Variants in ZNF454 observed in about 807,000 individuals in gnomAD.
ZNF454 encodes zinc finger protein 454.
A neutral mutation model predicts 48.2 loss-of-function variants in ZNF454; 30 were observed. The ratio of observed to expected loss-of-function variants is 0.62; its 90% CI spans 0.47 to 0.84. The LOEUF is 0.84. Ranked by LOEUF, ZNF454 falls within the 40% of genes least tolerant of loss-of-function variation. The probability of loss-of-function intolerance (pLI) is 0.00; values close to 1 mark genes in which losing one functional copy is unlikely to be tolerated. For missense variants in ZNF454, 510 were observed against 623.1 expected (o/e 0.82, Z 1.93); for synonymous variants, 204 against 211.4 (o/e 0.97, Z 0.30).
chr5:178,985,496 G>T, the ZNF454 span: 2 of 344,250 alleles, frequency 5.8e-6, no homozygotes, highest in Admixed American at 4.0e-5. Context: ...GAGGTCAGGA[G>T]ATCGAGACCA....
intron 2 of ZNF454, 122 bp downstream of exon 2, chr5:178,942,946 C>T: frequency 8.9e-7 from 1 of 1,119,550 alleles, no homozygotes; most frequent in Non-Finnish European, 1.3e-6. Flanking sequence ...CCTCAGTTGC[C>T]TCTCCCCAAC....
the ZNF454 span, chr5:178,987,016 T>C: frequency 6.2e-7 from 1 of 1,606,788 alleles, no homozygotes; most frequent in Non-Finnish European, 8.5e-7. Context: ...TCGGTGGTCC[T>C]CCAGCCCAGC....
At chr5:178,943,039 TCA>T (rs1419728706) in intron 2 of ZNF454, among the ~76,000 whole-genome samples, 1 of 152,194 alleles carries the variant, frequency 6.6e-6, no homozygotes, top group East Asian at 1.9e-4. Context: ...CACATAAATG[TCA>T]CAGCTGGGAC....
In ZNF454 at chr5:178,946,586, G is replaced by T; in HGVS notation, c.160+101G>T. ...AGAGTCGGTTGGACCAACTGAGGACGCTGTCTTCAAGGGTGCCATTAATTT... is the reference window on the plus strand; with the variant it reads ...AGAGTCGGTTGGACCAACTGAGGACTCTGTCTTCAAGGGTGCCATTAATTT... On this transcript the variant is annotated intron_variant, in intron 3 of 4. Transcript: ENST00000519564. This position sits in a 1 kb window ranked among gnomAD's most constrained non-coding sequence, Gnocchi z 4.5. 2 of 1,440,632 alleles carry T rather than the reference G, an allele frequency of 1.4e-6. No individual in the cohort carries two copies. Among genetic ancestry groups the T allele is most frequent in the Non-Finnish European group, 1.9e-6 (2 of 1,074,182 alleles). The allele number at this position is 1,440,632 out of a possible 1,614,324, so 89.2% of individuals were successfully genotyped here.
At chr5:178,942,002 G>A (rs1759110485) in intron 1 of ZNF454, among the ~76,000 whole-genome samples, 1 of 152,202 alleles carries the variant, frequency 6.6e-6, no homozygotes, top group Non-Finnish European at 1.5e-5. Context: ...GAGCGGAGCG[G>A]TCTTCCAATC....
the ZNF454 span, chr5:178,981,439 T>G: frequency 1.8e-6 from 1 of 551,910 alleles, no homozygotes. This position sits in a 1 kb window ranked among gnomAD's most constrained non-coding sequence, Gnocchi z 5.1. Context: ...GGGAAGCGAG[T>G]CTGGTCTGTG....
chr5:178,971,057 T>C (rs1760226989), downstream of ZNF454, among the ~76,000 whole-genome samples: 1 of 152,274 alleles, frequency 6.6e-6, no homozygotes, highest in Non-Finnish European at 1.5e-5. Context: ...TTTGCGTATA[T>C]TCATTCATTT....
chr5:178,946,490 G>A lies in ZNF454; in HGVS notation c.160+5G>A. 6.3e-7 allele frequency: 1 copy of A among 1,589,186 alleles called. No individual in the cohort carries two copies. Among genetic ancestry groups the A allele is most frequent in the Non-Finnish European group, 8.5e-7 (1 of 1,171,896 alleles). ...ACAGCAACCTGGTCTCACTGGGTAA[G>A]TGGGACCCCTGCAAGGTTTCTCTTC... On this transcript the variant is annotated splice_donor_5th_base_variant and intron_variant, in intron 3 of 4. Coordinates refer to ENST00000519564, the MANE Select transcript of ZNF454 (RefSeq NM_001178089.3). The surrounding 1 kb of genome is among the most constrained non-coding windows in gnomAD (Gnocchi z 4.5).
In ZNF454 at chr5:178,965,052, T is replaced by C. The variant is rs760814974; in HGVS notation, c.648T>C (p.Tyr216=). 1.2e-6 allele frequency: 2 copies of C among 1,613,998 alleles called. No homozygotes were observed. Among genetic ancestry groups the C allele is most frequent in the Middle Eastern group, 1.6e-4 (1 of 6,084 alleles). Reference sequence around the variant, plus strand: ...AAATTCATATTAAGGAGAAAAGATATGAATGTAGAGAATGTGGGAAAGCCT... The same window carrying C: ...AAATTCATATTAAGGAGAAAAGATACGAATGTAGAGAATGTGGGAAAGCCT... ...NQKIHIKEKR[Y]ECRECGKAFH... is the part of the protein sequence containing the mutation. Residue 216 remains tyrosine (Y), a synonymous_variant, in exon 5 of 5, where the codon TAT becomes TAC. Coordinates refer to ENST00000519564, the MANE Select transcript of ZNF454 (RefSeq NM_001178089.3). This position sits in a 1 kb window ranked among gnomAD's most constrained non-coding sequence, Gnocchi z 5.2.
chr5:178,955,919 T>C (rs916848140), intron 4 of ZNF454, among the ~76,000 whole-genome samples: 2 of 152,170 alleles, frequency 1.3e-5, no homozygotes, highest in African/African-American at 2.4e-5. Context: ...CCTCAATTTA[T>C]TGAGACCCCT....
the ZNF454 span, chr5:178,987,577 T>G: frequency 2.5e-6 from 1 of 399,102 alleles, no homozygotes; most frequent in Non-Finnish European, 5.1e-6. Context: ...AAATACCGTC[T>G]GATGCCACCA....
intron 4 of ZNF454, among the ~76,000 whole-genome samples, chr5:178,962,276 GT>G (rs575773962): frequency 1.4e-3 from 217 of 151,030 alleles, no homozygotes; most frequent in African/African-American, 5.0e-3. Flanking sequence ...TGTATCATTT[GT>G]TTTTTTCAAG....
chr5:178,965,492 AG>A lies in ZNF454; in HGVS notation c.1090del (p.Ala364ProfsTer4). ...CCCTTTGAATGTAATGAATGTGGGA[AG>A]GCCTTCAGGGTGAACTCTTCCCTTA... The part of the protein sequence containing the change: ...EKPFECNECG[K>X]AFRVNSSLTE... On this transcript the variant is annotated frameshift_variant, in exon 5 of 5. Coordinates refer to ENST00000519564, the MANE Select transcript of ZNF454 (RefSeq NM_001178089.3). LOFTEE classifies it high-confidence loss of function. This position sits in a 1 kb window ranked among gnomAD's most constrained non-coding sequence, Gnocchi z 5.2. 1 of 1,614,202 alleles carries A rather than the reference AG, an allele frequency of 6.2e-7. No homozygotes were observed. The highest frequency in any genetic ancestry group is 1.1e-5 in the South Asian group (1 of 91,084).
At chr5:178,988,980 C>A in the ZNF454 span, 1 of 1,614,034 alleles carries the variant, frequency 6.2e-7, no homozygotes, top group East Asian at 2.2e-5. This position sits in a 1 kb window ranked among gnomAD's most constrained non-coding sequence, Gnocchi z 6.0. Flanking sequence ...ATCCGCCCAT[C>A]AGTGGGTTCC....
chr5:178,982,772 TA>T, the ZNF454 span: 1 of 673,820 alleles, frequency 1.5e-6, no homozygotes. Context: ...ATGAACAAAG[TA>T]AGAAGGGAAT....
intron 4 of ZNF454, among the ~76,000 whole-genome samples, chr5:178,955,065 T>G (rs1312355373): frequency 6.6e-6 from 1 of 152,256 alleles, no homozygotes; most frequent in African/African-American, 2.4e-5. Context: ...ATGTTCTCAT[T>G]AGGGTAATTG....
At chr5:178,954,863 C>T (rs1759687729) in intron 4 of ZNF454, among the ~76,000 whole-genome samples, 1 of 152,228 alleles carries the variant, frequency 6.6e-6, no homozygotes, top group African/African-American at 2.4e-5. Context: ...CTTTGACACT[C>T]ATCCCTGTTG....
chr5:178,968,683 C>T (rs2113289758), downstream of ZNF454: 1 of 440,412 alleles, frequency 2.3e-6, no homozygotes. Context: ...TGTCTGTCTT[C>T]ACCCCATCCA....
downstream of ZNF454, chr5:178,968,961 T>G: frequency 2.3e-6 from 1 of 433,556 alleles, no homozygotes. Flanking sequence ...TCTCCCTGAG[T>G]TCGCCTCTCA....
Sources: allele counts gnomAD v4.1 joint callset (sites outside exome capture counted in the v4.1 genomes callset), GRCh38; gene constraint gnomAD v4.1.1; non-coding constraint Gnocchi (gnomAD v3.1); transcripts MANE v1.5; gene names NCBI Gene and HGNC (gene_info 2026-07-23, HGNC 2026-07-21).